Variants in RNFT2 observed in about 807,000 individuals in gnomAD.
The protein encoded by RNFT2 is E3 ubiquitin-protein ligase RNFT2.
Under a neutral mutation model 53.0 loss-of-function variants are expected in RNFT2, and 36 were observed. The observed-to-expected ratio is 0.68, with a 90% confidence interval of 0.52 to 0.90. The LOEUF is 0.90. Ranked by LOEUF, RNFT2 falls within the 40% of genes least tolerant of loss-of-function variation. The pLI is 0.00. For synonymous variants in RNFT2, 260 were observed against 253.2 expected, an observed-to-expected ratio of 1.03 and a Z score of -0.26; for missense variants, 514 against 585.6, an observed-to-expected ratio of 0.88 and a Z score of 1.26.
chr12:116,741,194 T>C, intron 3 of RNFT2, 100 bp downstream of exon 3: 7 of 886,626 alleles, frequency 7.9e-6, no homozygotes, highest in Non-Finnish European at 1.3e-5. Context: ...TCAGCGTTAG[T>C]TGTTAGAGTC....
At chr12:116,841,859 AT>A (rs1877315406) in intron 10 of RNFT2, among the ~76,000 whole-genome samples, 2 of 25,288 alleles carry the variant, frequency 7.9e-5, no homozygotes, top group East Asian at 1.5e-3. Context: ...ATATATAAAA[AT>A]ATATATATAA....
chr12:116,761,633 A>G (rs1321306937), intron 5 of RNFT2, among the ~76,000 whole-genome samples: 1 of 152,118 alleles, frequency 6.6e-6, no homozygotes, highest in Non-Finnish European at 1.5e-5. Flanking sequence ...CCTGGGAGGG[A>G]AACAAAATCA....
chr12:116,755,977 A>G (rs934394961), intron 5 of RNFT2: 8 of 732,956 alleles, frequency 1.1e-5, no homozygotes, highest in South Asian at 6.1e-5. Context: ...GCCTTATAGT[A>G]TAGGTTGAAA....
intron 3 of RNFT2, among the ~76,000 whole-genome samples, chr12:116,746,590 GT>G (rs1324866092): frequency 6.6e-6 from 1 of 152,142 alleles, no homozygotes; most frequent in Non-Finnish European, 1.5e-5. Flanking sequence ...TGGGGTACGG[GT>G]TAGGGGAGAC....
intron 3 of RNFT2, among the ~76,000 whole-genome samples, chr12:116,745,836 C>T (rs1284525577): frequency 3.9e-5 from 6 of 152,084 alleles, no homozygotes; most frequent in East Asian, 1.9e-4. Context: ...TGCATTGTGC[C>T]GGGTGGTAAA....
intron 7 of RNFT2, among the ~76,000 whole-genome samples, chr12:116,798,829 G>A (rs949937540): frequency 5.9e-5 from 9 of 151,646 alleles, no homozygotes; most frequent in African/African-American, 2.4e-5. Context: ...ACCTGCCTCC[G>A]CCTCCAAGTG....
At chr12:116,790,003 A>G (rs1874161641) in intron 7 of RNFT2, among the ~76,000 whole-genome samples, 1 of 125,018 alleles carries the variant, frequency 8.0e-6, no homozygotes, top group Admixed American at 8.4e-5. Flanking sequence ...TAGTCTAATC[A>G]GTTGTAATAA....
intron 4 of RNFT2, 132 bp from the exon 5 acceptor site, chr12:116,753,852 T>C: frequency 3.0e-6 from 2 of 662,454 alleles, no homozygotes; most frequent in Non-Finnish European, 5.3e-6. Flanking sequence ...AAGTGGGATT[T>C]TTTTTATTTT....
At position 116,788,401 on chromosome 12, in the gene RNFT2, T is replaced by C. The variant is rs376952027; in HGVS notation, c.882+9053T>C. The stretch of plus-strand genomic sequence containing the variant: ...TGCCCTGTCTCCCACCTGCACCTAC[T>C]GATTCATCTGCCTCAAAGAGCCTTC... On this transcript the variant is annotated intron_variant, in intron 7 of 10. Coordinates refer to ENST00000257575, the MANE Select transcript of RNFT2 (RefSeq NM_001382266.1). Among the ~76,000 whole-genome samples, 6 of 152,236 alleles carry C rather than the reference T, an allele frequency of 3.9e-5. No homozygotes were observed. In the South Asian group the frequency reaches 1.2e-3, roughly 31 times the overall value.
chr12:116,813,690 G>A (rs1392787843), intron 7 of RNFT2, among the ~76,000 whole-genome samples: 2 of 152,202 alleles, frequency 1.3e-5, no homozygotes, highest in African/African-American at 2.4e-5. Flanking sequence ...GTACATAGCA[G>A]GTACTCAAAA....
At chr12:116,756,578 G>A (rs1872519012) in intron 5 of RNFT2, among the ~76,000 whole-genome samples, 1 of 152,068 alleles carries the variant, frequency 6.6e-6, no homozygotes, top group Admixed American at 6.6e-5. Flanking sequence ...TGCATCTATT[G>A]AAATGATCAT....
intron 7 of RNFT2, among the ~76,000 whole-genome samples, chr12:116,816,083 C>T (rs1875644861): frequency 6.6e-6 from 1 of 152,206 alleles, no homozygotes; most frequent in Admixed American, 6.5e-5. Flanking sequence ...CAGATAAGCT[C>T]ATCCATCCAC....
At chr12:116,838,420 A>G (rs11068202) in intron 10 of RNFT2, among the ~76,000 whole-genome samples, 1 of 152,102 alleles carries the variant, frequency 6.6e-6, no homozygotes, top group Non-Finnish European at 1.5e-5. Context: ...TTTCTAGTGG[A>G]AGAATTACTG....
chr12:116,850,141 AG>A lies in RNFT2; in HGVS notation c.*695del. ...ATTACAGGCATGAGCCACCGTGCCCAGGCTCACTTTTTTTTTTTTTTTTTTT... is the reference window on the plus strand; with the variant it reads ...ATTACAGGCATGAGCCACCGTGCCCAGCTCACTTTTTTTTTTTTTTTTTTT... On this transcript the variant is annotated 3_prime_UTR_variant, in exon 11 of 11. Transcript: ENST00000257575. 1 of 131,610 alleles carries A rather than the reference AG, an allele frequency of 7.6e-6. No individual in the cohort carries two copies. The highest frequency in any genetic ancestry group is 2.4e-4 in the South Asian group (1 of 4,108). 8.2% of individuals were successfully genotyped at this position (131,610 alleles called of 1,614,324 possible). A position where few individuals can be genotyped will look rare whatever the true frequency, so the allele number is the denominator to read the frequency against.
chr12:116,797,700 C>T (rs80076978), intron 7 of RNFT2, among the ~76,000 whole-genome samples: 2,787 of 152,136 alleles, frequency 0.018, 50 homozygotes, highest in South Asian at 0.064. Context: ...ATTGAAGAGG[C>T]GTTACAGCTC....
Position 116,836,722 on chromosome 12 carries a change from C to T in RNFT2, c.1200+440C>T, listed in dbSNP as rs184833695. ...GGCAGATCACCTGAGGTCAGGAGTT[C>T]GAGACCAGCTGGGCCAACATGGTGA... On this transcript the variant is annotated intron_variant, in intron 10 of 10. Transcript: ENST00000257575. 5.8e-4 allele frequency among the ~76,000 whole-genome samples: 88 copies of T among 151,934 alleles called. 1 individual carries two copies. The East Asian group carries it at 0.012, about 20-fold the overall frequency.
chr12:116,779,482 C>T, intron 7 of RNFT2, 134 bp downstream of exon 7: 1 of 938,838 alleles, frequency 1.1e-6, no homozygotes, highest in Non-Finnish European at 1.6e-6. Flanking sequence ...AGCCTGAGCT[C>T]ATAGCTCCTG....
rs1877925467 is a variant in RNFT2, at chr12:116,851,567, CCT to C, written c.*2122_*2123del. The C allele has an allele frequency of 1.7e-6, 1 of 582,690 alleles. No individual in the cohort carries two copies. The highest frequency in any genetic ancestry group is 3.0e-6 in the Non-Finnish European group (1 of 328,432). 36.1% of individuals were successfully genotyped at this position (582,690 alleles called of 1,614,324 possible). On this transcript the variant is annotated 3_prime_UTR_variant, in exon 11 of 11. Coordinates refer to ENST00000257575, the MANE Select transcript of RNFT2 (RefSeq NM_001382266.1). The stretch of plus-strand genomic sequence containing the variant: ...TAGCCTGGCCAACATGGCAAAACCC[CCT>C]CTTTACTAAAAAATACAAAAATTAG...
At chr12:116,845,875 G>C (rs1419412435) in intron 10 of RNFT2, among the ~76,000 whole-genome samples, 1 of 152,066 alleles carries the variant, frequency 6.6e-6, no homozygotes, top group Admixed American at 6.6e-5. Flanking sequence ...CCTATCTCAG[G>C]AGCTTTGCAC....
Sources: allele counts gnomAD v4.1 joint callset (sites outside exome capture counted in the v4.1 genomes callset), GRCh38; gene constraint gnomAD v4.1.1; transcripts MANE v1.5; gene names NCBI Gene and HGNC (gene_info 2026-07-23, HGNC 2026-07-21).